Variants in ADAM10 observed in about 807,000 individuals in gnomAD.
The protein encoded by ADAM10 is ADAM metallopeptidase domain 10.
A neutral mutation model predicts 90.1 loss-of-function variants in ADAM10; 17 were observed. That is an observed-to-expected ratio of 0.19 (90% CI 0.13 to 0.28). The LOEUF (loss-of-function observed/expected upper bound fraction) is 0.28. ADAM10 is among the 10% of genes least tolerant of loss of function. ADAM10 has a pLI of 1.00. For synonymous variants in ADAM10, 310 were observed against 298.6 expected, an observed-to-expected ratio of 1.04 and a Z score of -0.40; for missense variants, 610 against 914.3, an observed-to-expected ratio of 0.67 and a Z score of 4.29.
At chr15:58,716,616 A>T (rs1224418166) in intron 2 of ADAM10, among the ~76,000 whole-genome samples, 3 of 152,260 alleles carry the variant, frequency 2.0e-5, no homozygotes, top group Non-Finnish European at 4.4e-5. Flanking sequence ...CTTAAAAGTC[A>T]AATTAAGAAA....
intron 10 of ADAM10, 53 bp from the exon 11 acceptor site, chr15:58,621,674 T>A: frequency 6.2e-7 from 1 of 1,601,684 alleles, no homozygotes; most frequent in Non-Finnish European, 8.5e-7. Context: ...ATTAATTTTA[T>A]TTAAAATTCA....
Position 58,725,610 on chromosome 15 carries a change from TA to T in ADAM10, c.56-7884del, listed in dbSNP as rs142112675. Among the ~76,000 whole-genome samples the T allele has an allele frequency of 2.0e-3, 299 of 150,868 alleles. 5 individuals are homozygous for T. The East Asian group carries it at 0.041, about 21-fold the overall frequency. ...TAAAGGCATGTCATAAGCTAATGACTAAAAACTAGGGAGAAAAAAAAATTCT... is the reference window on the plus strand; with the variant it reads ...TAAAGGCATGTCATAAGCTAATGACTAAAACTAGGGAGAAAAAAAAATTCT... On this transcript the variant is annotated intron_variant, in intron 1 of 15. Coordinates refer to ENST00000260408, the MANE Select transcript of ADAM10 (RefSeq NM_001110.4).
chr15:58,608,110 C>T (rs1383801548), intron 14 of ADAM10, among the ~76,000 whole-genome samples: 1 of 152,140 alleles, frequency 6.6e-6, no homozygotes, highest in African/African-American at 2.4e-5. Context: ...GTTGTCAACA[C>T]AGAAAAGAAA....
At chr15:58,690,729 A>G (rs1299745312) in intron 2 of ADAM10, among the ~76,000 whole-genome samples, 1 of 152,194 alleles carries the variant, frequency 6.6e-6, no homozygotes, top group African/African-American at 2.4e-5. Flanking sequence ...TTGCAGGTAT[A>G]AACTCTTAAT....
chr15:58,725,662 A>C (rs1050488038), intron 1 of ADAM10, among the ~76,000 whole-genome samples: 13 of 152,078 alleles, frequency 8.5e-5, no homozygotes, highest in Admixed American at 8.5e-4. Flanking sequence ...GTAGGGAAGC[A>C]CTAAAGGAGC....
chr15:58,713,081 T>C (rs752977253), intron 2 of ADAM10, among the ~76,000 whole-genome samples: 1 of 152,152 alleles, frequency 6.6e-6, no homozygotes, highest in African/African-American at 2.4e-5. Flanking sequence ...CTAGTATCTA[T>C]GTACTTAAAT....
intron 2 of ADAM10, chr15:58,691,583 C>A (rs779642166): frequency 6.0e-6 from 3 of 497,304 alleles, no homozygotes; most frequent in Admixed American, 2.3e-5. Context: ...GGATTCCAAG[C>A]CACGAGATTT....
chr15:58,613,310 C>T (rs1353815480), intron 11 of ADAM10, among the ~76,000 whole-genome samples: 4 of 152,134 alleles, frequency 2.6e-5, no homozygotes, highest in Non-Finnish European at 5.9e-5. Flanking sequence ...GAGTATATCT[C>T]CATGAAAGTC....
rs1391584240 is a variant in ADAM10 at position 58,589,260 on chromosome 15, T to C, written c.*8287A>G. 1 of 152,160 alleles carries C rather than the reference T, an allele frequency of 6.6e-6. No homozygotes were observed. The highest frequency in any genetic ancestry group is 1.5e-5 in the Non-Finnish European group (1 of 68,028). 9.4% of individuals were successfully genotyped at this position (152,160 alleles called of 1,614,324 possible). On this transcript the variant is annotated 3_prime_UTR_variant, in exon 16 of 16. Coordinates refer to ENST00000260408, the MANE Select transcript of ADAM10 (RefSeq NM_001110.4). ...CAATCCAGGGAATAGGAAAAGCACA[T>C]CCAGAGTCATGAAAATAGCAAAGAA...
intron 9 of ADAM10, among the ~76,000 whole-genome samples, chr15:58,631,176 C>T (rs939204239): frequency 1.3e-5 from 2 of 152,132 alleles, no homozygotes; most frequent in Admixed American, 1.3e-4. Flanking sequence ...ATGCCAGCAC[C>T]ATGCTTTTTG....
At chr15:58,700,243 C>A (rs781194582) in intron 2 of ADAM10, among the ~76,000 whole-genome samples, 6 of 152,110 alleles carry the variant, frequency 3.9e-5, no homozygotes, top group African/African-American at 9.7e-5. Context: ...ACCAAATAGG[C>A]CTAAAAGACA....
At chr15:58,716,825 T>C (rs180936201) in intron 2 of ADAM10, among the ~76,000 whole-genome samples, 11 of 152,090 alleles carry the variant, frequency 7.2e-5, no homozygotes, top group African/African-American at 2.7e-4. Context: ...AAGGAATAGA[T>C]TTAATAATTA....
At chr15:58,695,752 C>T (rs1021027772) in intron 2 of ADAM10, among the ~76,000 whole-genome samples, 10 of 151,930 alleles carry the variant, frequency 6.6e-5, no homozygotes, top group Admixed American at 1.3e-4. Flanking sequence ...GAGGCTGAGG[C>T]GGATAGATAT....
chr15:58,675,298 C>T (rs1008012576), intron 4 of ADAM10, among the ~76,000 whole-genome samples: 1 of 152,060 alleles, frequency 6.6e-6, no homozygotes, highest in Non-Finnish European at 1.5e-5. Context: ...TCTTCATATA[C>T]AATTAAAATA....
Position 58,729,958 on chromosome 15 carries a change from T to TAAAA in ADAM10, c.56-12235_56-12232dup, listed in dbSNP as rs776357246. ...GCGTAAGCAACAGAACGAGGCTCTG[T>TAAAA]AAAAAAAAACAAAAACAAAAACAAA... On this transcript the variant is annotated intron_variant, in intron 1 of 15. Transcript: ENST00000260408. 5.8e-3 allele frequency among the ~76,000 whole-genome samples: 681 copies of TAAAA among 117,904 alleles called. 7 individuals are homozygous for TAAAA. Among genetic ancestry groups the TAAAA allele is most frequent in the East Asian group, 0.022 (70 of 3,254 alleles). 77.3% of individuals were successfully genotyped at this position (117,904 alleles called of 152,430 possible).
intron 1 of ADAM10, among the ~76,000 whole-genome samples, chr15:58,736,812 C>A (rs1264914240): frequency 1.3e-5 from 2 of 151,910 alleles, no homozygotes; most frequent in African/African-American, 4.8e-5. Flanking sequence ...ATTGGATCTA[C>A]GAGATAGAGA....
chr15:58,621,491 C>T lies in ADAM10; in HGVS notation c.1491G>A (p.Leu497=). The change falls in exon 11 of 16, where the codon CTG becomes CTA. Residue 497 remains leucine, a synonymous_variant. Transcript: ENST00000260408. ...ANQPEGRKCK[L]KPGKQCSPSQ... ...GGTACCTGCACTGTTTCCCAGGTTT[C>T]AGTTTGCATTTTCTTCCCTCTGGTT... is the stretch of plus-strand genomic sequence containing the variant. The T allele has an allele frequency of 6.2e-7, 1 of 1,614,026 alleles. No individual in the cohort carries two copies. The highest frequency in any genetic ancestry group is 8.5e-7 in the Non-Finnish European group (1 of 1,179,988).
intron 2 of ADAM10, among the ~76,000 whole-genome samples, chr15:58,689,151 G>T (rs1897699950): frequency 6.6e-6 from 1 of 152,118 alleles, no homozygotes; most frequent in Non-Finnish European, 1.5e-5. Flanking sequence ...CCATCAAAGA[G>T]ACTGATTATA....
chr15:58,745,492 C>G lies in ADAM10; in HGVS notation c.55+3988G>C, dbSNP rs184385373. On this transcript the variant is annotated intron_variant, in intron 1 of 15. Coordinates refer to ENST00000260408, the MANE Select transcript of ADAM10 (RefSeq NM_001110.4). The stretch of plus-strand genomic sequence containing the variant: ...ACGATCATTCTATATTAAAGACCTT[C>G]AAGCTGCTACTATTATGAAAACGGG... Among the ~76,000 whole-genome samples, 109 of 152,298 alleles carry G rather than the reference C, an allele frequency of 7.2e-4. 1 individual carries two copies. Among genetic ancestry groups the G allele is most frequent in the Non-Finnish European group, 2.1e-4 (14 of 68,036 alleles).
Sources: gnomAD v4.1 joint callset for allele counts (sites outside exome capture counted in the v4.1 genomes callset) on GRCh38, gnomAD v4.1.1 for gene constraint, MANE v1.5 for transcripts, NCBI Gene and HGNC (gene_info 2026-07-23, HGNC 2026-07-21) for gene names.